NAALADL2: variants seen among roughly 807,000 people sequenced by gnomAD.
The protein encoded by NAALADL2 is inactive N-acetylated-alpha-linked acidic dipeptidase-like protein 2.
NAALADL2 carries 76 observed loss-of-function variants against 87.2 expected under a neutral mutation model. The observed-to-expected ratio is 0.87, with a 90% CI of 0.72 to 1.05. The LOEUF (loss-of-function observed/expected upper bound fraction) is 1.05, where lower values mean the gene tolerates loss of function less well. Ranked by LOEUF, NAALADL2 falls within the 50% of genes least tolerant of loss-of-function variation. The pLI, the probability that NAALADL2 is intolerant of heterozygous loss-of-function variation, is 0.00. For missense variants in NAALADL2, 1,089 were observed against 945.8 expected, an observed-to-expected ratio of 1.15 and a Z score of -1.99; for synonymous variants, 354 against 331.0, an observed-to-expected ratio of 1.07 and a Z score of -0.75.
In NAALADL2 at chr3:174,849,435, T is replaced by C. The variant is rs145631508; in HGVS notation, c.-9+111689T>C. Among the ~76,000 whole-genome samples, 252 of 152,148 alleles carry C rather than the reference T, an allele frequency of 1.7e-3. 1 individual carries two copies. The highest frequency in any genetic ancestry group is 5.6e-3 in the African/African-American group (231 of 41,518). ...ATGCTTTCTTAAAATTTTCAATTTT[T>C]TTTGCTAAAAATGAAGATGCACTGG... On this transcript the variant is annotated intron_variant, in intron 3 of 3. Coordinates refer to the NAALADL2 transcript ENST00000434257.
rs146568092 is a variant in NAALADL2, at chr3:175,062,759, C to T, written c.44-34031C>T. ...ATCATATGTATGTTTTAATCTGTTT[C>T]GGTTTGTGTAAACCCAAAGACATGC... On this transcript the variant is annotated intron_variant, in intron 1 of 13. Coordinates refer to ENST00000454872, the MANE Select transcript of NAALADL2 (RefSeq NM_207015.3). Among the ~76,000 whole-genome samples the T allele has an allele frequency of 3.3e-3, 502 of 152,132 alleles. 4 individuals are homozygous for T. The highest frequency in any genetic ancestry group is 0.012 in the African/African-American group (484 of 41,520).
At chr3:174,607,758 G>A (rs1480287153) in intron 2 of NAALADL2, among the ~76,000 whole-genome samples, 3 of 152,036 alleles carry the variant, frequency 2.0e-5, no homozygotes, top group East Asian at 1.9e-4. Context: ...ACAGATCAAC[G>A]AGACAGAAAG....
chr3:174,581,304 G>A (rs1716140928), intron 2 of NAALADL2, among the ~76,000 whole-genome samples: 1 of 151,998 alleles, frequency 6.6e-6, no homozygotes, highest in African/African-American at 2.4e-5. Flanking sequence ...ATTAAGGCAG[G>A]GAAAGTATAT....
chr3:175,299,996 A>T (rs1333856614), intron 4 of NAALADL2, among the ~76,000 whole-genome samples: 2 of 152,290 alleles, frequency 1.3e-5, no homozygotes, highest in East Asian at 3.9e-4. Context: ...TTTAGGATGA[A>T]GGGGTGTTGA....
intron 3 of NAALADL2, among the ~76,000 whole-genome samples, chr3:174,819,110 C>A (rs1721142324): frequency 1.0e-5 from 1 of 96,252 alleles, no homozygotes; most frequent in South Asian, 3.9e-4. Context: ...CCTTCTGTCA[C>A]TCAGTGGCAC....
chr3:175,750,370 A>G (rs375114657), intron 12 of NAALADL2, among the ~76,000 whole-genome samples: 30 of 152,238 alleles, frequency 2.0e-4, no homozygotes, highest in African/African-American at 7.0e-4. Context: ...CTATTTTGAT[A>G]TCTATTGACT....
intron 2 of NAALADL2, among the ~76,000 whole-genome samples, chr3:174,611,192 C>T (rs953319529): frequency 6.6e-6 from 1 of 151,098 alleles, no homozygotes; most frequent in African/African-American, 2.4e-5. Flanking sequence ...GGAGGGATAG[C>T]ATTAGGAGAT....
chr3:175,164,316 T>G (rs528851930), intron 2 of NAALADL2, among the ~76,000 whole-genome samples: 13 of 151,950 alleles, frequency 8.6e-5, no homozygotes, highest in African/African-American at 2.9e-4. Context: ...CATAATATAT[T>G]ACATATATAA....
At chr3:174,442,869 A>G (rs1248165549) in intron 1 of NAALADL2, among the ~76,000 whole-genome samples, 1 of 152,192 alleles carries the variant, frequency 6.6e-6, no homozygotes, top group Non-Finnish European at 1.5e-5. Flanking sequence ...ATTTCAGTAG[A>G]CTTGAAGCAG....
At chr3:174,896,110 A>G (rs1401727611) in intron 1 of NAALADL2, among the ~76,000 whole-genome samples, 2 of 152,152 alleles carry the variant, frequency 1.3e-5, no homozygotes, top group Non-Finnish European at 2.9e-5. Flanking sequence ...CCTTTCCACT[A>G]AAACCGGAAC....
At chr3:174,818,363 C>T (rs1004639024) in intron 3 of NAALADL2, among the ~76,000 whole-genome samples, 1 of 151,922 alleles carries the variant, frequency 6.6e-6, no homozygotes, top group Non-Finnish European at 1.5e-5. Context: ...CCCCTAACTG[C>T]GGAGATGAAT....
intron 2 of NAALADL2, among the ~76,000 whole-genome samples, chr3:174,671,522 G>C (rs1375637649): frequency 1.3e-5 from 2 of 152,070 alleles, no homozygotes; most frequent in Non-Finnish European, 2.9e-5. Flanking sequence ...AGGAGGAACT[G>C]TTTCTGTCCT....
intron 13 of NAALADL2, among the ~76,000 whole-genome samples, chr3:175,768,851 CA>C (rs35173343): frequency 2.4e-3 from 243 of 100,746 alleles, no homozygotes; most frequent in South Asian, 5.0e-3. Flanking sequence ...GACTTTGTCT[CA>C]AAAAAAAAAA....
chr3:174,798,844 A>G (rs1014525018), intron 3 of NAALADL2, among the ~76,000 whole-genome samples: 13 of 151,898 alleles, frequency 8.6e-5, no homozygotes, highest in African/African-American at 3.1e-4. Flanking sequence ...GGATTTTTTT[A>G]TATGCAAGAT....
At position 175,482,318 on chromosome 3, in the gene NAALADL2, A is replaced by G. The variant is rs972756790; in HGVS notation, c.1653+10560A>G. On this transcript the variant is annotated intron_variant, in intron 9 of 13. Transcript: ENST00000454872. ...TTGACTATTAAATTTCCAATGACCA[A>G]GTGTATCTCAAAAGATAAAACCACA... is the stretch of plus-strand genomic sequence containing the variant. 2.8e-4 allele frequency among the ~76,000 whole-genome samples: 42 copies of G among 152,068 alleles called. 4 individuals are homozygous for G. The highest frequency in any genetic ancestry group is 1.3e-3 in the Admixed American group (20 of 15,212).
At chr3:175,065,931 C>T (rs1580268247) in intron 1 of NAALADL2, among the ~76,000 whole-genome samples, 1 of 152,194 alleles carries the variant, frequency 6.6e-6, no homozygotes, top group Non-Finnish European at 1.5e-5. Flanking sequence ...GTCAGAGACC[C>T]TCTCACATAA....
At chr3:175,172,710 C>T (rs1735027786) in intron 2 of NAALADL2, among the ~76,000 whole-genome samples, 1 of 151,838 alleles carries the variant, frequency 6.6e-6, no homozygotes, top group African/African-American at 2.4e-5. Context: ...GTAGTGAACA[C>T]AGGAAATGGA....
At chr3:175,491,012 A>C (rs769942728) in intron 9 of NAALADL2, among the ~76,000 whole-genome samples, 15 of 152,090 alleles carry the variant, frequency 9.9e-5, no homozygotes, top group Non-Finnish European at 5.9e-5. Flanking sequence ...GAACACAAGG[A>C]TGGATAGAGA....
chr3:175,727,370 C>T (rs1743080185), intron 11 of NAALADL2, among the ~76,000 whole-genome samples: 1 of 152,186 alleles, frequency 6.6e-6, no homozygotes. Context: ...TGTTTGCTAA[C>T]ACAGGTCTTT....
Sources: gnomAD v4.1 joint callset for allele counts (sites outside exome capture counted in the v4.1 genomes callset) on GRCh38, gnomAD v4.1.1 for gene constraint, MANE v1.5 for transcripts, NCBI Gene and HGNC (gene_info 2026-07-23, HGNC 2026-07-21) for gene names.